The following ARMC8 variants were observed in gnomAD, a reference collection of about 807,000 sequenced individuals.
ARMC8 encodes the protein armadillo repeat containing 8.
A neutral mutation model predicts 99.3 loss-of-function variants in ARMC8; 20 were observed. The observed-to-expected ratio is 0.20, with a 90% CI of 0.14 to 0.29. The LOEUF (loss-of-function observed/expected upper bound fraction) is 0.29. Ranked by LOEUF, ARMC8 falls within the 10% of genes least tolerant of loss-of-function variation. The pLI, the probability that ARMC8 is intolerant of heterozygous loss-of-function variation, is 1.00. For synonymous variants in ARMC8, 263 were observed against 278.3 expected (o/e 0.95, Z 0.55); for missense variants, 569 against 809.5 (o/e 0.70, Z 3.60).
chr3:138,189,160 G>C (rs1311913358), intron 1 of ARMC8, among the ~76,000 whole-genome samples: 1 of 151,712 alleles, frequency 6.6e-6, no homozygotes, highest in Non-Finnish European at 1.5e-5. Flanking sequence ...GTTTTCATTT[G>C]TTTCACTTCC....
At chr3:138,244,057 T>C (rs1307254043) in intron 11 of ARMC8, among the ~76,000 whole-genome samples, 2 of 152,212 alleles carry the variant, frequency 1.3e-5, no homozygotes, top group African/African-American at 4.8e-5. Context: ...AGTAGTTTGG[T>C]GATCAAGTTT....
At chr3:138,280,707 T>C (rs1023497797) in intron 18 of ARMC8, among the ~76,000 whole-genome samples, 2 of 151,888 alleles carry the variant, frequency 1.3e-5, no homozygotes, top group African/African-American at 4.8e-5. Context: ...TTGGCCAAGC[T>C]GGTCTTGAAC....
chr3:138,268,104 G>A (rs2048447485), intron 15 of ARMC8, among the ~76,000 whole-genome samples: 1 of 152,038 alleles, frequency 6.6e-6, no homozygotes, highest in Non-Finnish European at 1.5e-5. Context: ...TTAGCCGGGG[G>A]TGGTGGTGCA....
At chr3:138,230,179 C>A (rs189256270) in intron 6 of ARMC8, among the ~76,000 whole-genome samples, 169 of 152,244 alleles carry the variant, frequency 1.1e-3, no homozygotes, top group African/African-American at 3.9e-3. Context: ...CAAACAATGC[C>A]TTATAATCTT....
Position 138,287,470 on chromosome 3 carries a change from T to C in ARMC8, c.1822-1578T>C, listed in dbSNP as rs942487877. ...CCCCTCCACCCTCCAATTTTCTCTATCCTCATAGTAATTTGTGTCCTTAAA... is the reference window on the plus strand; with the variant it reads ...CCCCTCCACCCTCCAATTTTCTCTACCCTCATAGTAATTTGTGTCCTTAAA... On this transcript the variant is annotated intron_variant, in intron 19 of 21. Transcript: ENST00000469044. 3.4e-4 allele frequency among the ~76,000 whole-genome samples: 51 copies of C among 152,124 alleles called. 1 individual carries two copies. The highest frequency in any genetic ancestry group is 7.4e-5 in the Non-Finnish European group (5 of 68,016).
intron 6 of ARMC8, among the ~76,000 whole-genome samples, chr3:138,232,424 T>C (rs943236709): frequency 6.6e-6 from 1 of 152,130 alleles, no homozygotes; most frequent in African/African-American, 2.4e-5. Flanking sequence ...CAATTATATA[T>C]AGAGAGAATT....
chr3:138,236,337 A>G lies in ARMC8; in HGVS notation c.610-972A>G, dbSNP rs543073728. ...GTCAGCACTTGCACATCAAGAAACA[A>G]TTGTTTGGGTGGCTGTTTATTGTTC... On this transcript the variant is annotated intron_variant, in intron 7 of 21. Coordinates refer to ENST00000469044, the MANE Select transcript of ARMC8 (RefSeq NM_001363941.2). 3.9e-5 allele frequency among the ~76,000 whole-genome samples: 6 copies of G among 152,206 alleles called. No individual in the cohort carries two copies. The East Asian group carries it at 9.7e-4, about 25-fold the overall frequency.
chr3:138,281,298 CT>C (rs747921351), intron 18 of ARMC8, among the ~76,000 whole-genome samples: 1,772 of 142,028 alleles, frequency 0.012, 20 homozygotes, highest in African/African-American at 0.036. Flanking sequence ...ATTTCTTTTT[CT>C]TTTTTTTTTT....
At chr3:138,239,642 C>A in intron 10 of ARMC8, 114 bp downstream of exon 10, 1 of 570,554 alleles carries the variant, frequency 1.8e-6, no homozygotes, top group Admixed American at 3.6e-5. Context: ...ATGTGCATGG[C>A]GTAGAATAAT....
At chr3:138,223,564 G>A (rs1320535579) in intron 4 of ARMC8, 33 bp downstream of exon 4, 3 of 1,613,892 alleles carry the variant, frequency 1.9e-6, no homozygotes, top group South Asian at 2.2e-5. Context: ...CTCAATTAAG[G>A]TTAAGAATCA....
At chr3:138,223,796 T>C in intron 5 of ARMC8, 63 bp downstream of exon 5, 2 of 1,390,988 alleles carry the variant, frequency 1.4e-6, no homozygotes, top group Non-Finnish European at 1.0e-6. Flanking sequence ...CCTAATTTGC[T>C]TAGCATCTTC....
chr3:138,188,785 C>T (rs1393379349), intron 1 of ARMC8, among the ~76,000 whole-genome samples: 1 of 152,148 alleles, frequency 6.6e-6, no homozygotes, highest in Non-Finnish European at 1.5e-5. Context: ...GTGTGGCAGA[C>T]CTCAACCTTG....
At chr3:138,272,911 ATAATT>A (rs1356566717) in intron 16 of ARMC8, 51 bp from the exon 17 acceptor site, 1 of 1,322,872 alleles carries the variant, frequency 7.6e-7, no homozygotes, top group African/African-American at 1.5e-5. Context: ...CTATTAAAAT[ATAATT>A]TAATAAAGTA....
intron 12 of ARMC8, among the ~76,000 whole-genome samples, chr3:138,259,799 A>G (rs1420274111): frequency 6.6e-6 from 1 of 152,248 alleles, no homozygotes; most frequent in Non-Finnish European, 1.5e-5. Flanking sequence ...AAACTTTAAA[A>G]GAAAGCGCAA....
intron 2 of ARMC8, among the ~76,000 whole-genome samples, chr3:138,215,922 G>C (rs552710819): frequency 2.0e-5 from 3 of 151,462 alleles, no homozygotes; most frequent in African/African-American, 7.3e-5. Context: ...GTGCAGTGAT[G>C]CAATCTCGGC....
At chr3:138,189,920 TG>T (rs2043280560) in intron 1 of ARMC8, among the ~76,000 whole-genome samples, 1 of 152,248 alleles carries the variant, frequency 6.6e-6, no homozygotes, top group South Asian at 2.1e-4. Flanking sequence ...TATCTTTCAC[TG>T]ATAAGTAACT....
At chr3:138,221,745 G>A (rs949012003) in intron 2 of ARMC8, among the ~76,000 whole-genome samples, 181 bp from the exon 3 acceptor site, 16 of 152,044 alleles carry the variant, frequency 1.1e-4, no homozygotes, top group African/African-American at 3.6e-4. Flanking sequence ...ACAATACGCC[G>A]TTTTACAGCC....
chr3:138,243,481 T>C (rs767917031), intron 11 of ARMC8, among the ~76,000 whole-genome samples: 2 of 152,222 alleles, frequency 1.3e-5, no homozygotes, highest in Non-Finnish European at 2.9e-5. Context: ...TCTTAATTTA[T>C]GACTAGAATG....
At chr3:138,272,723 A>G (rs1041112044) in intron 16 of ARMC8, among the ~76,000 whole-genome samples, 6 of 152,100 alleles carry the variant, frequency 3.9e-5, no homozygotes, top group African/African-American at 1.4e-4. Context: ...AAAGATACAA[A>G]AATTAGCCAG....
Sources: allele counts gnomAD v4.1 joint callset (sites outside exome capture counted in the v4.1 genomes callset), GRCh38; gene constraint gnomAD v4.1.1; transcripts MANE v1.5; gene names NCBI Gene and HGNC (gene_info 2026-07-23, HGNC 2026-07-21).